Variants in VPS53 observed in about 807,000 individuals in gnomAD.
VPS53 encodes the protein vacuolar protein sorting-associated protein 53 homolog.
Under a neutral mutation model 107.0 loss-of-function variants are expected in VPS53, and 70 were observed. That is an observed-to-expected ratio of 0.65 (90% CI 0.54 to 0.80). The LOEUF (loss-of-function observed/expected upper bound fraction) is 0.80. Among genes scored for constraint, VPS53 ranks in the 30% least tolerant of loss-of-function variants. VPS53 has a pLI of 0.00. For synonymous variants in VPS53, 409 were observed against 393.3 expected (o/e 1.04, Z -0.47); for missense variants, 917 against 1,049.4 (o/e 0.87, Z 1.74).
At chr17:671,056 C>T (rs958306323) in intron 4 of VPS53, among the ~76,000 whole-genome samples, 1 of 152,030 alleles carries the variant, frequency 6.6e-6, no homozygotes, top group African/African-American at 2.4e-5. Context: ...CATGGTGAAA[C>T]CCCGTCTCTT....
chr17:688,844 C>G (rs1972681329), intron 4 of VPS53, among the ~76,000 whole-genome samples: 1 of 152,222 alleles, frequency 6.6e-6, no homozygotes, highest in South Asian at 2.1e-4. Flanking sequence ...CCCCACAGAT[C>G]ACGGTGTTCA....
intron 7 of VPS53, among the ~76,000 whole-genome samples, chr17:642,480 C>T (rs201440966): frequency 0.011 from 1,486 of 139,870 alleles, 6 homozygotes; most frequent in Middle Eastern, 0.025. Flanking sequence ...TACTTGGAAA[C>T]CGAGGACAAC....
chr17:605,351 G>T (rs1456776677), intron 11 of VPS53, among the ~76,000 whole-genome samples: 1 of 152,180 alleles, frequency 6.6e-6, no homozygotes, highest in Non-Finnish European at 1.5e-5. Context: ...GATGACGGCT[G>T]AGCTGAGTAA....
chr17:588,471 A>G (rs1221548179), intron 12 of VPS53, among the ~76,000 whole-genome samples: 1 of 152,246 alleles, frequency 6.6e-6, no homozygotes, highest in Non-Finnish European at 1.5e-5. Flanking sequence ...TTTTTTTTAA[A>G]TAACACGTTG....
intron 11 of VPS53, among the ~76,000 whole-genome samples, chr17:606,811 G>A (rs1037158769): frequency 6.6e-6 from 1 of 152,132 alleles, no homozygotes; most frequent in Non-Finnish European, 1.5e-5. Flanking sequence ...AATGCCTGAT[G>A]ATCTGAGGTA....
At chr17:536,792 C>T (rs970089677) in intron 18 of VPS53, 9 of 477,376 alleles carry the variant, frequency 1.9e-5, no homozygotes, top group Admixed American at 7.4e-5. Flanking sequence ...TCCAGCGCGA[C>T]GTCAGAGTCC....
At chr17:586,243 A>G in intron 13 of VPS53, 27 bp downstream of exon 13, 1 of 1,607,308 alleles carries the variant, frequency 6.2e-7, no homozygotes, top group East Asian at 2.2e-5. Flanking sequence ...AAATGCAGGC[A>G]GAAAACAGCG....
At chr17:621,899 T>G (rs958170759) in intron 11 of VPS53, among the ~76,000 whole-genome samples, 1 of 152,224 alleles carries the variant, frequency 6.6e-6, no homozygotes, top group African/African-American at 2.4e-5. Context: ...ATGTCTTATT[T>G]AGTCTCCCTA....
In VPS53 at chr17:593,306, A is replaced by T. The variant is rs1347510998; in HGVS notation, c.1219-6942T>A. Among the ~76,000 whole-genome samples, 44 of 152,204 alleles carry T rather than the reference A, an allele frequency of 2.9e-4. 1 individual carries two copies. Among genetic ancestry groups the T allele is most frequent in the Middle Eastern group, 6.3e-3 (2 of 316 alleles). ...ATGGCAACAAAAGACAAAATTGACC[A>T]ATGGGATCTAATTAAACTAAAGAGC... On this transcript the variant is annotated intron_variant, in intron 12 of 21. Coordinates refer to ENST00000437048, the MANE Select transcript of VPS53 (RefSeq NM_001128159.3).
At chr17:578,970 C>A (rs999479493) in intron 13 of VPS53, among the ~76,000 whole-genome samples, 13 of 149,538 alleles carry the variant, frequency 8.7e-5, no homozygotes, top group African/African-American at 3.2e-4. Flanking sequence ...TCCCTCAGAA[C>A]CTAATGCGTT....
At chr17:617,493 C>T (rs1969196481) in intron 11 of VPS53, among the ~76,000 whole-genome samples, 1 of 152,262 alleles carries the variant, frequency 6.6e-6, no homozygotes, top group South Asian at 2.1e-4. Flanking sequence ...CCTCTGCCTT[C>T]TGGGCTAAAG....
intron 6 of VPS53, 119 bp downstream of exon 6, chr17:655,719 G>T: frequency 1.1e-6 from 1 of 907,872 alleles, no homozygotes. Context: ...AAGCCAATTT[G>T]CAGAAAGTGG....
In VPS53 at chr17:540,058, T is replaced by TC. The variant is rs1015478277; in HGVS notation, c.1867-2883dup. On this transcript the variant is annotated intron_variant, in intron 17 of 21. Transcript: ENST00000437048. ...ACAACAAGGTGCTTGCTAGACAACT[T>TC]CCCCCCCGACCCGCCCCCGCCACCC... 1.5e-4 allele frequency among the ~76,000 whole-genome samples: 21 copies of TC among 143,546 alleles called. No individual in the cohort carries two copies. The South Asian group carries it at 1.6e-3, about 11-fold the overall frequency. 94.2% of individuals were successfully genotyped at this position (143,546 alleles called of 152,430 possible). A position where few individuals can be genotyped will look rare whatever the true frequency, so the allele number is the denominator to read the frequency against.
intron 4 of VPS53, among the ~76,000 whole-genome samples, chr17:683,784 A>G (rs565641010): frequency 6.6e-6 from 1 of 152,388 alleles, no homozygotes; most frequent in Non-Finnish European, 1.5e-5. Context: ...AGATCACTTG[A>G]GCCAAGGAGT....
intron 13 of VPS53, among the ~76,000 whole-genome samples, chr17:568,805 T>C (rs9916269): frequency 0.34 from 52,185 of 152,084 alleles, 10,924 homozygotes; most frequent in African/African-American, 0.58. Flanking sequence ...ATAAACCCTG[T>C]GGTGTGAGAT....
chr17:543,679 A>G (rs76627186), intron 17 of VPS53, among the ~76,000 whole-genome samples: 4,565 of 151,544 alleles, frequency 0.03, 101 homozygotes, highest in Non-Finnish European at 0.047. Context: ...TTGTATTTCC[A>G]CCAAAACACT....
chr17:531,555 A>G (rs960320900), intron 19 of VPS53, among the ~76,000 whole-genome samples: 3 of 151,834 alleles, frequency 2.0e-5, no homozygotes, highest in Non-Finnish European at 4.4e-5. Context: ...CCCAGGCTTC[A>G]GTGCAGCGGC....
At chr17:558,879 C>T (rs981063585) in intron 15 of VPS53, among the ~76,000 whole-genome samples, 11 of 151,344 alleles carry the variant, frequency 7.3e-5, no homozygotes, top group African/African-American at 2.4e-4. Flanking sequence ...TCTATAATCC[C>T]AGCTACTCAG....
intron 17 of VPS53, among the ~76,000 whole-genome samples, chr17:542,355 G>A (rs1477055766): frequency 6.6e-6 from 1 of 152,208 alleles, no homozygotes; most frequent in Non-Finnish European, 1.5e-5. Context: ...AATTGAGTCA[G>A]CCAGTCTGAC....
Sources: gnomAD v4.1 joint callset for allele counts (sites outside exome capture counted in the v4.1 genomes callset) on GRCh38, gnomAD v4.1.1 for gene constraint, MANE v1.5 for transcripts, NCBI Gene and HGNC (gene_info 2026-07-23, HGNC 2026-07-21) for gene names.